Variants in NAALAD2 observed in about 807,000 individuals in gnomAD.
NAALAD2 encodes the protein N-acetylated alpha-linked acidic dipeptidase 2.
In NAALAD2, 89 loss-of-function variants were observed where a neutral mutation model predicts 95.6. The observed-to-expected ratio is 0.93, with a 90% CI of 0.78 to 1.11. The LOEUF is 1.11. Among genes scored for constraint, NAALAD2 ranks in the 50% least tolerant of loss-of-function variants. The pLI, the probability that NAALAD2 is intolerant of heterozygous loss-of-function variation, is 0.00. For missense variants in NAALAD2, 894 were observed against 872.4 expected, an observed-to-expected ratio of 1.02 and a Z score of -0.31; for synonymous variants, 264 against 294.4, an observed-to-expected ratio of 0.90 and a Z score of 1.06.
At chr11:90,149,875 A>G (rs1282142393) in intron 4 of NAALAD2, among the ~76,000 whole-genome samples, 1 of 152,198 alleles carries the variant, frequency 6.6e-6, no homozygotes, top group Non-Finnish European at 1.5e-5. Flanking sequence ...AAATATAGTT[A>G]GGATCTTTAA....
intron 2 of NAALAD2, among the ~76,000 whole-genome samples, chr11:90,136,903 G>C (rs1010396967): frequency 2.0e-5 from 3 of 152,174 alleles, no homozygotes; most frequent in African/African-American, 7.2e-5. Context: ...ATTCCAAAGA[G>C]ATATGTGCAC....
At chr11:90,155,720 GTAATACATACATACATATGTATGTAT>G (rs1952089485) in intron 6 of NAALAD2, among the ~76,000 whole-genome samples, 2 of 46,722 alleles carry the variant, frequency 4.3e-5, no homozygotes, top group Admixed American at 5.7e-4. Flanking sequence ...TTGTATGTAT[GTAATACATACATACATATGTATGTAT>G]TATTACATAT....
At position 90,138,310 on chromosome 11, in the gene NAALAD2, C is replaced by T. The variant is rs546748803; in HGVS notation, c.194+2640C>T. Reference sequence around the variant, plus strand: ...GGAGGAAGAGGAGGGGTTGGTCTTGCTGTCTCAAGGATGGCAGAGGCAGAG... The same window carrying T: ...GGAGGAAGAGGAGGGGTTGGTCTTGTTGTCTCAAGGATGGCAGAGGCAGAG... On this transcript the variant is annotated intron_variant, in intron 2 of 18. Coordinates refer to ENST00000534061, the MANE Select transcript of NAALAD2 (RefSeq NM_005467.4). Among the ~76,000 whole-genome samples the T allele has an allele frequency of 2.6e-5, 4 of 152,132 alleles. No homozygotes were observed. The South Asian group carries it at 8.3e-4, about 32-fold the overall frequency.
intron 7 of NAALAD2, chr11:90,159,026 A>T: frequency 1.9e-6 from 1 of 520,166 alleles, no homozygotes; most frequent in Non-Finnish European, 3.4e-6. Flanking sequence ...TGCTCTCATC[A>T]CTAACATATT....
intron 6 of NAALAD2, among the ~76,000 whole-genome samples, chr11:90,155,590 ATATG>A (rs200293352): frequency 0.061 from 5,029 of 81,924 alleles, 629 homozygotes; most frequent in African/African-American, 0.25. Context: ...TATGTAATAT[ATATG>A]TAATAATATA....
chr11:90,184,031 A>G (rs1289334997), intron 18 of NAALAD2, among the ~76,000 whole-genome samples: 1 of 152,102 alleles, frequency 6.6e-6, no homozygotes, highest in Non-Finnish European at 1.5e-5. Flanking sequence ...TGGAAATTAG[A>G]AAGGTCCTAG....
intron 3 of NAALAD2, 41 bp downstream of exon 3, chr11:90,147,557 A>G: frequency 6.5e-7 from 1 of 1,535,784 alleles, no homozygotes; most frequent in Non-Finnish European, 8.9e-7. Flanking sequence ...TTGCAATCCG[A>G]CCGTTTTATG....
intron 6 of NAALAD2, among the ~76,000 whole-genome samples, chr11:90,156,141 T>C (rs1952113761): frequency 6.6e-6 from 1 of 152,002 alleles, no homozygotes; most frequent in Non-Finnish European, 1.5e-5. Context: ...TGATCTGTCT[T>C]GTTGGAAGTT....
chr11:90,164,376 T>C (rs1248579123), intron 11 of NAALAD2: 1 of 152,290 alleles, frequency 6.6e-6, no homozygotes, highest in Non-Finnish European at 1.5e-5. Flanking sequence ...TTTTTAACTT[T>C]TAAGTTCAGG....
Position 90,139,530 on chromosome 11 carries a change from A to T in NAALAD2, c.194+3860A>T, listed in dbSNP as rs188599763. On this transcript the variant is annotated intron_variant, in intron 2 of 18. Transcript: ENST00000534061. ...GTAATTTTCTTAATGTCATCTGAAG[A>T]CTTGTCTACTGCCTCTTGGTGAGCA... Among the ~76,000 whole-genome samples the T allele has an allele frequency of 7.4e-3, 1,124 of 152,230 alleles. 9 individuals are homozygous for T. The highest frequency in any genetic ancestry group is 0.021 in the South Asian group (100 of 4,808).
At chr11:90,189,823 T>G (rs1344884995) in intron 18 of NAALAD2, among the ~76,000 whole-genome samples, 1 of 151,996 alleles carries the variant, frequency 6.6e-6, no homozygotes, top group Non-Finnish European at 1.5e-5. Flanking sequence ...ATACTTACTA[T>G]GTACTGAGGG....
At chr11:90,143,372 C>T (rs911459490) in intron 2 of NAALAD2, among the ~76,000 whole-genome samples, 3 of 152,098 alleles carry the variant, frequency 2.0e-5, no homozygotes, top group African/African-American at 7.2e-5. Flanking sequence ...TGGGTTGACT[C>T]CGCTAATACA....
intron 2 of NAALAD2, among the ~76,000 whole-genome samples, chr11:90,137,498 T>C (rs529214760): frequency 2.0e-5 from 3 of 152,326 alleles, no homozygotes; most frequent in African/African-American, 7.2e-5. Flanking sequence ...AAGTAGTAGG[T>C]AGCCATAAAA....
chr11:90,167,412 T>A (rs1952498575), intron 11 of NAALAD2, among the ~76,000 whole-genome samples: 3 of 152,166 alleles, frequency 2.0e-5, no homozygotes, highest in African/African-American at 4.8e-5. Context: ...CAGCCCACCA[T>A]GCCTGAGCCT....
At chr11:90,140,032 T>C (rs1951566828) in intron 2 of NAALAD2, among the ~76,000 whole-genome samples, 2 of 152,126 alleles carry the variant, frequency 1.3e-5, no homozygotes, top group Admixed American at 6.5e-5. Flanking sequence ...TACAGTATTG[T>C]ACTAAACATG....
intron 11 of NAALAD2, among the ~76,000 whole-genome samples, chr11:90,164,588 T>C (rs939086137): frequency 6.6e-6 from 1 of 151,816 alleles, no homozygotes; most frequent in Non-Finnish European, 1.5e-5. Context: ...TGTTATCATG[T>C]ATTAATAATA....
At chr11:90,132,696 T>C (rs1026444067), upstream of NAALAD2, among the ~76,000 whole-genome samples, 23 of 152,190 alleles carry the variant, frequency 1.5e-4, no homozygotes, top group African/African-American at 5.1e-4. Context: ...TCTTAAGCCA[T>C]ATTTGAGGGG....
chr11:90,138,748 T>TTTTTTTTTTTTC (rs1951521169), intron 2 of NAALAD2, among the ~76,000 whole-genome samples: 1 of 120,218 alleles, frequency 8.3e-6, no homozygotes, highest in Non-Finnish European at 1.8e-5. Context: ...TTTTTTTTTT[T>TTTTTTTTTTTTC]TTTTTTTTTT....
At chr11:90,182,839 CTTG>C (rs1857003663) in intron 17 of NAALAD2, 74 bp from the exon 18 acceptor site, 1 of 988,592 alleles carries the variant, frequency 1.0e-6, no homozygotes, top group Non-Finnish European at 1.6e-6. Context: ...TTTCCCAAGC[CTTG>C]TTTTTATTTA....
Sources: gnomAD v4.1 joint callset for allele counts (sites outside exome capture counted in the v4.1 genomes callset) on GRCh38, gnomAD v4.1.1 for gene constraint, MANE v1.5 for transcripts, NCBI Gene and HGNC (gene_info 2026-07-23, HGNC 2026-07-21) for gene names.